Variants in PLXDC2 observed in about 807,000 individuals in gnomAD.
The protein encoded by PLXDC2 is plexin domain containing 2.
PLXDC2 carries 40 observed loss-of-function variants against 68.9 expected under a neutral mutation model. That is an observed-to-expected ratio of 0.58 (90% CI 0.45 to 0.76). PLXDC2 has a LOEUF of 0.76. PLXDC2 is among the 30% of genes least tolerant of loss of function. The pLI is 0.00. For missense variants in PLXDC2, 644 were observed against 661.9 expected (o/e 0.97, Z 0.30); for synonymous variants, 243 against 234.2 (o/e 1.04, Z -0.34).
chr10:20,045,227 A>G (rs1343336991), intron 2 of PLXDC2, among the ~76,000 whole-genome samples: 1 of 152,060 alleles, frequency 6.6e-6, no homozygotes, highest in Non-Finnish European at 1.5e-5. Flanking sequence ...GCTGGAGTGC[A>G]GTGGTACGAT....
chr10:20,093,996 A>T (rs1333690013), intron 4 of PLXDC2, among the ~76,000 whole-genome samples: 2 of 152,180 alleles, frequency 1.3e-5, no homozygotes, highest in South Asian at 2.1e-4. Flanking sequence ...ATTCAAGTGA[A>T]ATTATTTGTA....
intron 1 of PLXDC2, among the ~76,000 whole-genome samples, chr10:19,923,034 C>G (rs186103835): frequency 4.6e-5 from 7 of 151,970 alleles, no homozygotes; most frequent in Admixed American, 4.6e-4. Context: ...TTAACTCATC[C>G]AAGTGCTATT....
intron 2 of PLXDC2, among the ~76,000 whole-genome samples, chr10:20,023,042 G>C (rs768604576): frequency 2.7e-5 from 4 of 149,772 alleles, no homozygotes; most frequent in Admixed American, 1.3e-4. Flanking sequence ...GCAAAAAAAG[G>C]CTCTTAATTT....
intron 12 of PLXDC2, among the ~76,000 whole-genome samples, chr10:20,235,936 A>G (rs1345070477): frequency 1.3e-5 from 2 of 152,140 alleles, no homozygotes; most frequent in African/African-American, 4.8e-5. Flanking sequence ...GTCACTATGA[A>G]TATCTTTGTT....
chr10:20,261,473 C>T (rs1588549657), intron 13 of PLXDC2, among the ~76,000 whole-genome samples: 2 of 152,260 alleles, frequency 1.3e-5, no homozygotes, highest in East Asian at 3.9e-4. Context: ...ACCAACCTTC[C>T]TTCTAAATGT....
intron 6 of PLXDC2, among the ~76,000 whole-genome samples, chr10:20,163,917 C>A (rs574798300): frequency 3.9e-5 from 6 of 152,168 alleles, no homozygotes; most frequent in African/African-American, 1.4e-4. Context: ...GTAGTTTCAA[C>A]CAGAATGGTG....
chr10:19,951,574 A>C (rs1385515854), intron 1 of PLXDC2, among the ~76,000 whole-genome samples: 2 of 152,226 alleles, frequency 1.3e-5, no homozygotes, highest in Non-Finnish European at 2.9e-5. Flanking sequence ...TAGTTCAGCT[A>C]TTGTGGGAAG....
At chr10:20,256,042 A>C (rs1835738138) in intron 13 of PLXDC2, among the ~76,000 whole-genome samples, 1 of 152,172 alleles carries the variant, frequency 6.6e-6, no homozygotes, top group African/African-American at 2.4e-5. Flanking sequence ...ATTCTAATTA[A>C]CATAATACTT....
intron 2 of PLXDC2, 86 bp downstream of exon 2, chr10:20,002,072 C>A: frequency 1.5e-6 from 2 of 1,312,968 alleles, no homozygotes; most frequent in Non-Finnish European, 2.1e-6. Context: ...TAAGTTGTCT[C>A]TTCATCTCAA....
rs146335667 is a variant in PLXDC2, at chr10:19,864,949, G to C, written c.112+47758G>C. 6.4e-4 allele frequency among the ~76,000 whole-genome samples: 97 copies of C among 152,314 alleles called. 2 individuals are homozygous for C. The East Asian group carries it at 0.017, about 27-fold the overall frequency. On this transcript the variant is annotated intron_variant, in intron 1 of 13. Coordinates refer to ENST00000377252, the MANE Select transcript of PLXDC2 (RefSeq NM_032812.9). ...GAAAAGCCAGAGAAAGCCAGGAAGAGAGGCATTCTTGCCTTTAAGGGTGAA... is the reference window on the plus strand; with the variant it reads ...GAAAAGCCAGAGAAAGCCAGGAAGACAGGCATTCTTGCCTTTAAGGGTGAA...
chr10:20,177,181 A>G, intron 8 of PLXDC2, 87 bp downstream of exon 8: 2 of 1,357,464 alleles, frequency 1.5e-6, no homozygotes, highest in Non-Finnish European at 2.1e-6. Flanking sequence ...ATCATATTAA[A>G]TAATTACCAT....
intron 1 of PLXDC2, among the ~76,000 whole-genome samples, chr10:19,976,585 C>T (rs927850505): frequency 1.3e-5 from 2 of 152,148 alleles, no homozygotes; most frequent in Non-Finnish European, 2.9e-5. Flanking sequence ...TTTTTAGCTG[C>T]CATCAGCGTA....
chr10:20,143,372 G>T lies in PLXDC2; in HGVS notation c.619G>T (p.Asp207Tyr). Residue 207 changes from aspartate to tyrosine, a missense_variant, in exon 5 of 14, where the codon GAT (aspartate) becomes TAT (tyrosine). Coordinates refer to ENST00000377252, the MANE Select transcript of PLXDC2 (RefSeq NM_032812.9). Reference protein sequence around the residue: ...QYIAPLMANFDPSVSRNSTVR... With the variant: ...QYIAPLMANFYPSVSRNSTVR... ...CATAGCACCTTTAATGGCAAATTTCGATCCCAGTGTATCCAGAAATTCAAC... is the reference window on the plus strand; with the variant it reads ...CATAGCACCTTTAATGGCAAATTTCTATCCCAGTGTATCCAGAAATTCAAC... 1 of 1,613,180 alleles carries T rather than the reference G, an allele frequency of 6.2e-7. No individual in the cohort carries two copies. Among genetic ancestry groups the T allele is most frequent in the Non-Finnish European group, 8.5e-7 (1 of 1,179,358 alleles).
At chr10:19,959,420 A>T (rs1402487611) in intron 1 of PLXDC2, among the ~76,000 whole-genome samples, 2 of 152,206 alleles carry the variant, frequency 1.3e-5, no homozygotes, top group Admixed American at 6.5e-5. Context: ...TTCATCACTG[A>T]AAAGAAAACA....
chr10:20,082,323 G>A (rs1285179737), intron 4 of PLXDC2, among the ~76,000 whole-genome samples: 1 of 151,706 alleles, frequency 6.6e-6, no homozygotes, highest in Admixed American at 6.6e-5. Context: ...CCTTTGTCAA[G>A]GGATGTATGA....
chr10:20,163,877 T>A (rs562895918), intron 6 of PLXDC2, among the ~76,000 whole-genome samples: 1 of 152,328 alleles, frequency 6.6e-6, no homozygotes, highest in African/African-American at 2.4e-5. Context: ...GACATTGAGA[T>A]GACCCATAAG....
chr10:20,126,282 TAC>T (rs1287918969), intron 4 of PLXDC2, among the ~76,000 whole-genome samples: 1 of 146,684 alleles, frequency 6.8e-6, no homozygotes, highest in Non-Finnish European at 1.5e-5. Context: ...TATATACATA[TAC>T]GTTATATAAT....
chr10:20,136,332 T>C (rs1382249191), intron 4 of PLXDC2, among the ~76,000 whole-genome samples: 4 of 152,200 alleles, frequency 2.6e-5, no homozygotes, highest in Admixed American at 6.5e-5. Flanking sequence ...CTGCCACACA[T>C]GGTTTTGTTA....
chr10:19,966,897 AC>A (rs1834272830), intron 1 of PLXDC2, among the ~76,000 whole-genome samples: 1 of 152,144 alleles, frequency 6.6e-6, no homozygotes, highest in Admixed American at 6.5e-5. Flanking sequence ...GGCTCCCAGG[AC>A]CTAGCAGTGT....
Sources: allele counts gnomAD v4.1 joint callset (sites outside exome capture counted in the v4.1 genomes callset), GRCh38; gene constraint gnomAD v4.1.1; transcripts MANE v1.5; gene names NCBI Gene and HGNC (gene_info 2026-07-23, HGNC 2026-07-21).